The following PDE4B variants were observed in gnomAD, a reference collection of about 807,000 sequenced individuals.
PDE4B encodes the protein 3',5'-cyclic-AMP phosphodiesterase 4B.
Under a neutral mutation model 82.2 loss-of-function variants are expected in PDE4B, and 20 were observed. That is an observed-to-expected ratio of 0.24 (90% CI 0.17 to 0.35). The LOEUF is 0.35. PDE4B is among the 10% of genes least tolerant of loss of function. The probability of loss-of-function intolerance (pLI) is 1.00; values close to 1 mark genes in which losing one functional copy is unlikely to be tolerated. For missense variants in PDE4B, 655 were observed against 907.2 expected (o/e 0.72, Z 3.57); for synonymous variants, 320 against 318.9 (o/e 1.00, Z -0.04).
intron 3 of PDE4B, among the ~76,000 whole-genome samples, chr1:66,063,955 C>G (rs1215503033): frequency 6.6e-6 from 1 of 151,880 alleles, no homozygotes; most frequent in Non-Finnish European, 1.5e-5. Context: ...TTAGTTAGAC[C>G]TCTCACTACT....
chr1:66,019,507 TG>T (rs1336474488), intron 3 of PDE4B, among the ~76,000 whole-genome samples: 3 of 151,642 alleles, frequency 2.0e-5, no homozygotes, highest in African/African-American at 7.3e-5. Flanking sequence ...AGGTGTGCAT[TG>T]AAATGCCTGG....
At chr1:66,329,188 A>G (rs2101907866) in intron 7 of PDE4B, among the ~76,000 whole-genome samples, 1 of 152,286 alleles carries the variant, frequency 6.6e-6, no homozygotes, top group Admixed American at 6.5e-5. Flanking sequence ...AAGGTATCCC[A>G]GTGCCTGAAA....
intron 7 of PDE4B, among the ~76,000 whole-genome samples, chr1:66,288,005 CATTATTGCATTGCCGTAAAGAAAT>C (rs1656804528): frequency 1.3e-5 from 2 of 151,976 alleles, no homozygotes; most frequent in Non-Finnish European, 2.9e-5. Flanking sequence ...TGTATTAGCC[CATTATTGCATTGCCGTAAAGAAAT>C]ACCAAAGGTT....
chr1:66,139,758 A>G (rs928334260), intron 3 of PDE4B, among the ~76,000 whole-genome samples: 28 of 150,944 alleles, frequency 1.9e-4, no homozygotes, highest in African/African-American at 6.6e-4. Context: ...AAAAACAAAA[A>G]ACAACAACCA....
chr1:65,993,114 C>G (rs763039762), intron 3 of PDE4B: 1 of 1,613,554 alleles, frequency 6.2e-7, no homozygotes. Flanking sequence ...CATTCGGCAG[C>G]GTCGTCGCTT....
chr1:65,950,497 G>A (rs1174325706), intron 3 of PDE4B, among the ~76,000 whole-genome samples: 1 of 152,058 alleles, frequency 6.6e-6, no homozygotes, highest in African/African-American at 2.4e-5. Context: ...TTGGGGATGT[G>A]CTCAATAGGG....
intron 3 of PDE4B, among the ~76,000 whole-genome samples, chr1:66,167,091 A>G (rs1016505594): frequency 1.3e-5 from 2 of 152,232 alleles, no homozygotes; most frequent in Admixed American, 6.5e-5. Flanking sequence ...GAACTCTCAT[A>G]CATTTCTGGT....
intron 3 of PDE4B, among the ~76,000 whole-genome samples, chr1:66,096,489 G>C (rs999121151): frequency 2.6e-5 from 2 of 77,784 alleles, no homozygotes; most frequent in Non-Finnish European, 5.3e-5. Flanking sequence ...CTAATTAAAT[G>C]CGGTATAAGT....
intron 3 of PDE4B, among the ~76,000 whole-genome samples, chr1:66,192,559 A>G (rs1647912128): frequency 6.6e-6 from 1 of 152,092 alleles, no homozygotes; most frequent in Non-Finnish European, 1.5e-5. Flanking sequence ...TTTCCTTCAT[A>G]TTTATACCCA....
At chr1:65,954,879 A>G (rs1283947978) in intron 3 of PDE4B, among the ~76,000 whole-genome samples, 1 of 152,002 alleles carries the variant, frequency 6.6e-6, no homozygotes, top group East Asian at 1.9e-4. Context: ...GTTTATTTCA[A>G]TTTAGAAAAA....
chr1:65,864,617 C>G (rs189531866), intron 1 of PDE4B, among the ~76,000 whole-genome samples: 1 of 152,216 alleles, frequency 6.6e-6, no homozygotes, highest in Admixed American at 6.5e-5. Flanking sequence ...AACAGTCAGG[C>G]CCCCTCTTCT....
chr1:66,192,943 C>G (rs1570438584), intron 3 of PDE4B, among the ~76,000 whole-genome samples: 2 of 152,106 alleles, frequency 1.3e-5, no homozygotes, highest in African/African-American at 4.8e-5. Context: ...TGCCCAAAGT[C>G]ACACAAATAT....
intron 3 of PDE4B, among the ~76,000 whole-genome samples, chr1:66,023,186 C>A (rs994714167): frequency 1.3e-5 from 2 of 152,118 alleles, no homozygotes; most frequent in African/African-American, 4.8e-5. Flanking sequence ...GCTCTGTCAT[C>A]CTGGTGGATC....
intron 13 of PDE4B, among the ~76,000 whole-genome samples, chr1:66,366,023 G>A (rs969272240): frequency 2.0e-5 from 3 of 152,092 alleles, no homozygotes; most frequent in Non-Finnish European, 2.9e-5. Context: ...CAATATGTAA[G>A]GAAAGAATAA....
At chr1:66,025,892 G>A (rs1653407742) in intron 3 of PDE4B, among the ~76,000 whole-genome samples, 2 of 152,162 alleles carry the variant, frequency 1.3e-5, no homozygotes, top group Non-Finnish European at 2.9e-5. Context: ...AGTATTAAGT[G>A]TCAAACTTAA....
chr1:66,275,145 A>G (rs1284659804), intron 7 of PDE4B, among the ~76,000 whole-genome samples: 1 of 152,258 alleles, frequency 6.6e-6, no homozygotes, highest in African/African-American at 2.4e-5. Flanking sequence ...TTGTCAAATT[A>G]CTTAGGACTT....
intron 3 of PDE4B, among the ~76,000 whole-genome samples, chr1:66,130,752 C>A (rs1401662559): frequency 6.6e-6 from 1 of 152,176 alleles, no homozygotes; most frequent in Admixed American, 6.5e-5. Flanking sequence ...TCCAGATCCT[C>A]GGTAGGCTCA....
chr1:65,990,342 G>T (rs1246129752), intron 3 of PDE4B, among the ~76,000 whole-genome samples: 1 of 152,082 alleles, frequency 6.6e-6, no homozygotes, highest in African/African-American at 2.4e-5. Flanking sequence ...TTTTTAGAAA[G>T]AAATTCCTAA....
intron 1 of PDE4B, among the ~76,000 whole-genome samples, chr1:65,860,960 T>C (rs960195401): frequency 2.6e-5 from 4 of 152,220 alleles, no homozygotes; most frequent in African/African-American, 9.6e-5. Flanking sequence ...CTTTGTCAGA[T>C]GGATAGATTG....
Sources: allele counts gnomAD v4.1 joint callset (sites outside exome capture counted in the v4.1 genomes callset), GRCh38; gene constraint gnomAD v4.1.1; transcripts MANE v1.5; gene names NCBI Gene and HGNC (gene_info 2026-07-23, HGNC 2026-07-21).